The following PLIN5 variants were observed in gnomAD, a reference collection of about 807,000 sequenced individuals.
The protein encoded by PLIN5 is perilipin 5, also known as perilipin-5.
PLIN5 carries 34 observed loss-of-function variants against 32.8 expected under a neutral mutation model. That is an observed-to-expected ratio of 1.04 (90% CI 0.79 to 1.38). PLIN5 has a LOEUF of 1.38. Ranked by LOEUF, PLIN5 falls within the 40% of genes most tolerant of loss-of-function variation. The probability of loss-of-function intolerance (pLI) is 0.00; values close to 1 mark genes in which losing one functional copy is unlikely to be tolerated. For synonymous variants in PLIN5, 309 were observed against 292.9 expected, an observed-to-expected ratio of 1.05 and a Z score of -0.56; for missense variants, 712 against 660.5, an observed-to-expected ratio of 1.08 and a Z score of -0.85.
chr19:4,533,955 A>C lies in PLIN5; in HGVS notation c.60+60T>G, dbSNP rs751424645. On this transcript the variant is annotated intron_variant, in intron 2 of 7. Coordinates refer to ENST00000381848, the MANE Select transcript of PLIN5 (RefSeq NM_001013706.3). ...GGGATACCTGGCCTGAAACGCTCCT[A>C]GAAGGGACTGTCCCACACAATACCT... The C allele has an allele frequency of 7.6e-6, 12 of 1,568,822 alleles. No individual in the cohort carries two copies. The African/African-American group carries it at 1.4e-4, about 18-fold the overall frequency.
intron 3 of PLIN5, among the ~76,000 whole-genome samples, chr19:4,530,844 T>C (rs908876542): frequency 6.6e-6 from 1 of 151,992 alleles, no homozygotes; most frequent in Non-Finnish European, 1.5e-5. Context: ...GGATAATTTT[T>C]TGTATTTTTA....
At chr19:4,531,012 T>C (rs148829615) in intron 3 of PLIN5, among the ~76,000 whole-genome samples, 1 of 150,448 alleles carries the variant, frequency 6.6e-6, no homozygotes, top group East Asian at 2.0e-4. Flanking sequence ...TTTGCTTTTT[T>C]TTTTTTGAAA....
intron 1 of PLIN5, 28 bp from the exon 2 acceptor site, chr19:4,534,123 C>A (rs1244868523): frequency 6.3e-7 from 1 of 1,576,314 alleles, no homozygotes; most frequent in Non-Finnish European, 8.6e-7. Flanking sequence ...GTAAGGGGAG[C>A]ACCTGCCCAG....
At chr19:4,531,422 C>T (rs993588342) in intron 3 of PLIN5, among the ~76,000 whole-genome samples, 1 of 152,172 alleles carries the variant, frequency 6.6e-6, no homozygotes, top group African/African-American at 2.4e-5. Context: ...GGATCATAGG[C>T]ATGAGCCACC....
In PLIN5 at chr19:4,525,777, C is replaced by T. The variant is rs569989487; in HGVS notation, c.576G>A (p.Arg192=). The T allele has an allele frequency of 1.2e-6, 2 of 1,613,236 alleles. No individual in the cohort carries two copies. Among genetic ancestry groups the T allele is most frequent in the Non-Finnish European group, 1.7e-6 (2 of 1,179,946 alleles). Residue 192 remains arginine, a synonymous_variant, in exon 6 of 8, where the codon AGG becomes AGA. Coordinates refer to ENST00000381848, the MANE Select transcript of PLIN5 (RefSeq NM_001013706.3). This position sits in a 1 kb window ranked among gnomAD's most constrained non-coding sequence, Gnocchi z 5.6. Reference sequence around the variant, plus strand: ...GGCGCACAAAGTAGCCCTGCTGTCTCCTCTGATCCTCCACCGAACCCACTT... The same window carrying T: ...GGCGCACAAAGTAGCCCTGCTGTCTTCTCTGATCCTCCACCGAACCCACTT... ...GPEVGSVEDQ[R]RQQGYFVRLG...
intron 1 of PLIN5, 35 bp from the exon 2 acceptor site, chr19:4,534,130 C>T: frequency 1.3e-6 from 2 of 1,560,354 alleles, no homozygotes; most frequent in Non-Finnish European, 1.7e-6. Flanking sequence ...GAGCACCTGC[C>T]CAGGCATCAG....
rs1340994773 is a variant in PLIN5, at chr19:4,523,866, C to T, written c.1054G>A (p.Ala352Thr). The change falls in exon 8 of 8, where the codon GCC (alanine) becomes ACC (threonine). Residue 352 changes from alanine to threonine, a missense_variant. Physicochemically the swap from Ala to Thr is moderately conservative, Grantham distance 58. Transcript: ENST00000381848. This position sits in a 1 kb window ranked among gnomAD's most constrained non-coding sequence, Gnocchi z 5.0. ...AALAEGRGRV[A>T]HAHACVDELL... ...TCGTCCACGCAGGCGTGCGCGTGGG[C>T]CACGCGACCCCGGCCCTCGGCCAGC... is the stretch of plus-strand genomic sequence containing the variant. 1 of 1,529,532 alleles carries T rather than the reference C, an allele frequency of 6.5e-7. No homozygotes were observed. The highest frequency in any genetic ancestry group is 8.7e-7 in the Non-Finnish European group (1 of 1,150,542). 94.7% of individuals were successfully genotyped at this position (1,529,532 alleles called of 1,614,324 possible).
rs1467859259 is a variant in PLIN5, at chr19:4,529,084, T to TC, written c.508dup (p.Glu170GlyfsTer10). 3 of 1,612,912 alleles carry TC rather than the reference T, an allele frequency of 1.9e-6. No homozygotes were observed. The African/African-American group carries it at 4.0e-5, about 22-fold the overall frequency. ...GGTGTCGTCCTCACCGAGCTCTTCCTCCGTCATGGGCAGGAAGTGATCCAC... is the reference window on the plus strand; with the variant it reads ...GGTGTCGTCCTCACCGAGCTCTTCCTCCCGTCATGGGCAGGAAGTGATCCAC... On this transcript the variant is annotated frameshift_variant, in exon 5 of 8. Transcript: ENST00000381848. LOFTEE classifies it high-confidence loss of function.
chr19:4,523,978 C>G lies in PLIN5; in HGVS notation c.942G>C (p.Glu314Asp). 1 of 1,526,122 alleles carries G rather than the reference C, an allele frequency of 6.6e-7. No homozygotes were observed. The allele number at this position is 1,526,122 out of a possible 1,614,324, so 94.5% of individuals were successfully genotyped here. ...CACTGCGCCGCACCTCAGCCACCTT[C>G]TCCTGGGCGCCGGCGGGCAGGCCCC... ...SVRGLPAGAQ[E>D]KVAEVRRSVD... The change falls in exon 8 of 8, where the codon GAG (glutamate) becomes GAC (aspartate). Residue 314 changes from glutamate to aspartate, a missense_variant. Glu to Asp is a conservative substitution (Grantham distance 45). Transcript: ENST00000381848. This position sits in a 1 kb window ranked among gnomAD's most constrained non-coding sequence, Gnocchi z 5.0.
chr19:4,533,502 A>G (rs1336884889), intron 2 of PLIN5: 1 of 176,836 alleles, frequency 5.7e-6, no homozygotes. Flanking sequence ...CCCCTGGAGC[A>G]CAGTGGCCTC....
chr19:4,533,197 G>T, intron 2 of PLIN5: 1 of 151,662 alleles, frequency 6.6e-6, no homozygotes, highest in East Asian at 1.9e-4. Flanking sequence ...CAGGGTTCAA[G>T]CGGTTCTCCT....
Position 4,523,668 on chromosome 19 carries a change from C to T in PLIN5, c.1252G>A (p.Ala418Thr), listed in dbSNP as rs755737803. 3.1e-6 allele frequency: 5 copies of T among 1,609,606 alleles called. No individual in the cohort carries two copies. Among genetic ancestry groups the T allele is most frequent in the Non-Finnish European group, 4.2e-6 (5 of 1,179,816 alleles). ...CCGTCCCTGTGCTCTGCCTCCCAGG[C>T]TCTCTGCTGGGCCGGCCAGTCCAGG... ...AHLDWPAQQR[A>T]WEAEHRDGSG... The change falls in exon 8 of 8, where the codon GCC (alanine) becomes ACC (threonine). Residue 418 changes from alanine to threonine, a missense_variant. By Grantham distance (58) the Ala-to-Thr change is moderately conservative. Transcript: ENST00000381848. The surrounding 1 kb of genome is among the most constrained non-coding windows in gnomAD (Gnocchi z 5.0).
intron 5 of PLIN5, among the ~76,000 whole-genome samples, chr19:4,527,304 C>T (rs536143403): frequency 6.6e-6 from 1 of 151,630 alleles, no homozygotes; most frequent in South Asian, 2.1e-4. Flanking sequence ...GATCTCCTGA[C>T]CTTGTGATCT....
chr19:4,528,177 G>A (rs1371242025), intron 5 of PLIN5, among the ~76,000 whole-genome samples: 3 of 151,956 alleles, frequency 2.0e-5, no homozygotes, highest in Non-Finnish European at 2.9e-5. Context: ...CCAAAGTGCT[G>A]GGATTACAGG....
chr19:4,525,918 TACGGGGACAGCACGGGGACAGG>T lies in PLIN5; in HGVS notation c.521-108_521-87del. 1.9e-6 allele frequency: 1 copy of T among 537,658 alleles called. No individual in the cohort carries two copies. Among genetic ancestry groups the T allele is most frequent in the Non-Finnish European group, 3.3e-6 (1 of 305,252 alleles). The allele number at this position is 537,658 out of a possible 1,614,324, so 33.3% of individuals were successfully genotyped here. Reference sequence around the variant, plus strand: ...ATACGGGGACAGCACGGGGACAGGATACGGGGACAGCACGGGGACAGGATACGGGGACAGCACGGGGACAGCA... The same window carrying T: ...ATACGGGGACAGCACGGGGACAGGATATACGGGGACAGCACGGGGACAGCA... On this transcript the variant is annotated intron_variant, in intron 5 of 7. Transcript: ENST00000381848. The surrounding 1 kb of genome is among the most constrained non-coding windows in gnomAD (Gnocchi z 5.6).
At position 4,529,213 on chromosome 19, in the gene PLIN5, G is replaced by A. The variant is rs372568064; in HGVS notation, c.380C>T (p.Thr127Met). The change falls in exon 5 of 8, where the codon ACG (threonine) becomes ATG (methionine). Residue 127 changes from threonine (T) to methionine (M), a missense_variant. Transcript: ENST00000381848. ...SAKDVVASSV[T>M]GVVDLARRGR... ...CCTCCGGGCCAGGTCCACCACACCC[G>A]TGACACTGCTGGCCACCACGTCCTT... is the stretch of plus-strand genomic sequence containing the variant. The A allele has an allele frequency of 1.9e-5, 31 of 1,611,534 alleles. No homozygotes were observed. The highest frequency in any genetic ancestry group is 3.3e-4 in the Middle Eastern group (2 of 6,074).
intron 2 of PLIN5, chr19:4,532,968 A>C (rs1698160182): frequency 6.6e-6 from 1 of 152,020 alleles, no homozygotes; most frequent in African/African-American, 2.4e-5. Context: ...GCACCTGGCC[A>C]AATACTATAT....
intron 2 of PLIN5, 106 bp from the exon 3 acceptor site, chr19:4,531,928 A>T: frequency 1.6e-6 from 2 of 1,216,220 alleles, no homozygotes; most frequent in Non-Finnish European, 2.2e-6. Context: ...GGAGAGTGGA[A>T]GGATGGAGTA....
intron 5 of PLIN5, among the ~76,000 whole-genome samples, chr19:4,527,732 C>G (rs1345117862): frequency 6.7e-6 from 1 of 149,946 alleles, no homozygotes; most frequent in Non-Finnish European, 1.5e-5. Flanking sequence ...GTAATCCCAG[C>G]TACTTGGGAG....
Sources: allele counts gnomAD v4.1 joint callset (sites outside exome capture counted in the v4.1 genomes callset), GRCh38; gene constraint gnomAD v4.1.1; non-coding constraint Gnocchi (gnomAD v3.1); transcripts MANE v1.5; gene names NCBI Gene and HGNC (gene_info 2026-07-23, HGNC 2026-07-21).